ZMYM5: variants seen among roughly 807,000 people sequenced by gnomAD.
ZMYM5 encodes the protein zinc finger MYM-type protein 5.
In ZMYM5, 41 loss-of-function variants were observed where a neutral mutation model predicts 61.8. The ratio of observed to expected loss-of-function variants is 0.66; its 90% CI spans 0.52 to 0.86. ZMYM5 has a LOEUF of 0.86. Ranked by LOEUF, ZMYM5 falls within the 40% of genes least tolerant of loss-of-function variation. The pLI is 0.00. For synonymous variants in ZMYM5, 257 were observed against 276.4 expected, an observed-to-expected ratio of 0.93 and a Z score of 0.70; for missense variants, 706 against 786.7, an observed-to-expected ratio of 0.90 and a Z score of 1.23.
rs1456683873 is a variant in ZMYM5, at chr13:19,824,087, C to T, written c.*390G>A. The stretch of plus-strand genomic sequence containing the variant: ...CTTCTGACCTCAATTGATCTACCCG[C>T]CTGAGCCTCCCAAAGTTCTTGGATT... On this transcript the variant is annotated 3_prime_UTR_variant, in exon 8 of 8. Coordinates refer to ENST00000337963, the MANE Select transcript of ZMYM5 (RefSeq NM_001142684.2). 3 of 152,524 alleles carry T rather than the reference C, an allele frequency of 2.0e-5. No homozygotes were observed. Among genetic ancestry groups the T allele is most frequent in the Non-Finnish European group, 4.4e-5 (3 of 68,284 alleles). 9.4% of individuals were successfully genotyped at this position (152,524 alleles called of 1,614,324 possible).
chr13:19,832,938 T>A (rs1386748626), intron 7 of ZMYM5, among the ~76,000 whole-genome samples: 1 of 131,694 alleles, frequency 7.6e-6, no homozygotes, highest in Non-Finnish European at 1.6e-5. Flanking sequence ...CTTACTATGT[T>A]GCCCACGTTG....
At chr13:19,852,255 A>G in intron 2 of ZMYM5, 65 bp from the exon 3 acceptor site, 2 of 1,429,552 alleles carry the variant, frequency 1.4e-6, no homozygotes, top group Non-Finnish European at 1.8e-6. Context: ...TTACTACAAT[A>G]AAATAGCACA....
Position 19,851,807 on chromosome 13 carries a change from A to G in ZMYM5, c.374T>C (p.Ile125Thr). The change falls in exon 3 of 8, where the codon ATA becomes ACA. Residue 125 changes from isoleucine (I) to threonine (T), a missense_variant. Coordinates refer to ENST00000337963, the MANE Select transcript of ZMYM5 (RefSeq NM_001142684.2). ...ETIVIDDEED[I>T]ETNGGAEKKS... is the part of the protein sequence containing the mutation. ...TTTCTCTGCTCCTCCATTTGTTTCT[A>G]TGTCCTCTTCATCATCAATAACAAT... The G allele has an allele frequency of 6.2e-7, 1 of 1,612,754 alleles. No homozygotes were observed. The highest frequency in any genetic ancestry group is 1.1e-5 in the South Asian group (1 of 90,516).
chr13:19,857,023 G>T (rs953264157), intron 2 of ZMYM5, among the ~76,000 whole-genome samples: 7 of 150,674 alleles, frequency 4.6e-5, no homozygotes, highest in Non-Finnish European at 7.4e-5. Context: ...GGAGAATGGC[G>T]TGAACCCGGG....
At chr13:19,834,065 C>CT (rs1952600352) in intron 7 of ZMYM5, among the ~76,000 whole-genome samples, 1 of 152,250 alleles carries the variant, frequency 6.6e-6, no homozygotes, top group Non-Finnish European at 1.5e-5. Context: ...CAACCTCCAC[C>CT]TCCCAGGTTC....
chr13:19,853,720 A>C (rs765913452), intron 2 of ZMYM5, among the ~76,000 whole-genome samples: 2 of 151,222 alleles, frequency 1.3e-5, no homozygotes, highest in Non-Finnish European at 2.9e-5. Context: ...CCCGGCTTTA[A>C]CTTCCTGAGT....
chr13:19,830,528 C>T (rs1891147742), intron 7 of ZMYM5, among the ~76,000 whole-genome samples: 1 of 152,092 alleles, frequency 6.6e-6, no homozygotes, highest in South Asian at 2.1e-4. Flanking sequence ...GTATGAACCA[C>T]CATGCCTGGC....
chr13:19,841,034 G>A (rs1278072753), intron 4 of ZMYM5, among the ~76,000 whole-genome samples: 10 of 139,374 alleles, frequency 7.2e-5, no homozygotes, highest in East Asian at 6.5e-4. Context: ...GCACTGGCAC[G>A]CTCACTGCAA....
At chr13:19,844,546 TATG>T (rs536081309) in intron 4 of ZMYM5, among the ~76,000 whole-genome samples, 81 of 152,320 alleles carry the variant, frequency 5.3e-4, no homozygotes, top group Non-Finnish European at 7.6e-4. Context: ...ACATGCAAAT[TATG>T]ATGATACCAC....
At chr13:19,838,591 C>T in intron 5 of ZMYM5, 109 bp downstream of exon 5, 2 of 1,364,286 alleles carry the variant, frequency 1.5e-6, no homozygotes, top group Non-Finnish European at 2.0e-6. Context: ...TGAAGACACT[C>T]CTGCAACAAT....
At position 19,837,702 on chromosome 13, in the gene ZMYM5, C is replaced by G; in HGVS notation, c.992G>C (p.Gly331Ala). The change falls in exon 6 of 8, where the codon GGA becomes GCA. Residue 331 changes from glycine (G) to alanine (A), a missense_variant. Gly to Ala is a moderately conservative substitution (Grantham distance 60). This residue lies in a region of ZMYM5 where 480 missense variants were observed against 461.7 expected (regional missense o/e 1.04). Transcript: ENST00000337963. ...PCENNWNLKKGVFNKSRCTIC... is the reference protein window; with the variant it reads ...PCENNWNLKKAVFNKSRCTIC... Reference sequence around the variant, plus strand: ...TGTACATCTTGACTTATTAAAAACTCCTTTTTTAAGATTCCAGTTGTTTTC... The same window carrying G: ...TGTACATCTTGACTTATTAAAAACTGCTTTTTTAAGATTCCAGTTGTTTTC... 1 of 1,577,442 alleles carries G rather than the reference C, an allele frequency of 6.3e-7. No individual in the cohort carries two copies. The highest frequency in any genetic ancestry group is 1.2e-5 in the South Asian group (1 of 84,774).
intron 2 of ZMYM5, among the ~76,000 whole-genome samples, chr13:19,860,941 T>G (rs1242866340): frequency 2.2e-4 from 32 of 148,770 alleles, no homozygotes; most frequent in African/African-American, 8.0e-4. Flanking sequence ...CGCACGTGTG[T>G]GTGTGTGTGT....
At position 19,824,820 on chromosome 13, in the gene ZMYM5, C is replaced by T. The variant is rs1343800002; in HGVS notation, c.1667G>A (p.Gly556Glu). 3.7e-6 allele frequency: 5 copies of T among 1,351,334 alleles called. No individual in the cohort carries two copies. Among genetic ancestry groups the T allele is most frequent in the Middle Eastern group, 2.1e-4 (1 of 4,772 alleles). 83.7% of individuals were successfully genotyped at this position (1,351,334 alleles called of 1,614,324 possible). ...ATAATAAGTTTCTGAAAACTTCCTC[C>T]CTGTATTATCTTTTGGAAAGTTAAA... ...RNFNFPKDNT[G>E]RKFSETYYTR... The change falls in exon 8 of 8, where the codon GGG (glycine) becomes GAG (glutamate). Residue 556 changes from glycine to glutamate, a missense_variant. This residue lies in a region of ZMYM5 where 226 missense variants were observed against 325.0 expected (regional missense o/e 0.70). Transcript: ENST00000337963.
At position 19,838,841 on chromosome 13, in the gene ZMYM5, C is replaced by T; in HGVS notation, c.731G>A (p.Cys244Tyr). The T allele has an allele frequency of 6.2e-7, 1 of 1,614,108 alleles. No homozygotes were observed. The highest frequency in any genetic ancestry group is 8.5e-7 in the Non-Finnish European group (1 of 1,180,036). The part of the protein sequence containing the change: ...QQLTKPAKIT[C>Y]ANCKKPLQKG... ...CTGTAAAGGCTTTTTGCAATTTGCA[C>T]AAGTGATTTTAGCTGGTTTAGTAAG... is the stretch of plus-strand genomic sequence containing the variant. The change falls in exon 5 of 8, where the codon TGT becomes TAT. Residue 244 changes from cysteine to tyrosine, a missense_variant. Cys to Tyr is a radical substitution (Grantham distance 194). Transcript: ENST00000337963.
At chr13:19,843,915 A>T (rs1952982935) in intron 4 of ZMYM5, among the ~76,000 whole-genome samples, 1 of 151,712 alleles carries the variant, frequency 6.6e-6, no homozygotes, top group Non-Finnish European at 1.5e-5. Context: ...CAGGTGGATC[A>T]CAAGGTCAGG....
At chr13:19,853,233 GC>G (rs1953378184) in intron 2 of ZMYM5, among the ~76,000 whole-genome samples, 1 of 152,184 alleles carries the variant, frequency 6.6e-6, no homozygotes, top group South Asian at 2.1e-4. Flanking sequence ...AAATAATCTA[GC>G]AGAGACAATA....
At chr13:19,852,368 T>C (rs1291500653) in intron 2 of ZMYM5, among the ~76,000 whole-genome samples, 178 bp from the exon 3 acceptor site, 1 of 152,236 alleles carries the variant, frequency 6.6e-6, no homozygotes, top group Non-Finnish European at 1.5e-5. Context: ...ATTAATTATA[T>C]AATTTTGGTA....
At chr13:19,834,143 AT>A (rs141109574) in intron 7 of ZMYM5, among the ~76,000 whole-genome samples, 14,945 of 151,904 alleles carry the variant, frequency 0.098, 853 homozygotes, top group African/African-American at 0.16. Flanking sequence ...TGCCCGGCTT[AT>A]TTTTTTTGTA....
intron 4 of ZMYM5, 126 bp from the exon 5 acceptor site, chr13:19,839,111 A>G: frequency 9.0e-7 from 1 of 1,109,758 alleles, no homozygotes; most frequent in Non-Finnish European, 1.3e-6. Flanking sequence ...GGTTAAGGCC[A>G]AACACTCTTG....
Sources: gnomAD v4.1 joint callset for allele counts (sites outside exome capture counted in the v4.1 genomes callset) on GRCh38, gnomAD v4.1.1 for gene constraint, gnomAD v4.1.1 regional missense constraint, MANE v1.5 for transcripts, NCBI Gene and HGNC (gene_info 2026-07-23, HGNC 2026-07-21) for gene names.